The following TCERG1L variants were observed in gnomAD, a reference collection of about 807,000 sequenced individuals.
TCERG1L encodes the protein transcription elongation regulator 1-like protein.
TCERG1L carries 37 observed loss-of-function variants against 56.3 expected under a neutral mutation model. That is an observed-to-expected ratio of 0.66 (90% confidence interval 0.51 to 0.87). The LOEUF is 0.87. Ranked by LOEUF, TCERG1L falls within the 40% of genes least tolerant of loss-of-function variation. The probability of loss-of-function intolerance (pLI) is 0.00; values close to 1 mark genes in which losing one functional copy is unlikely to be tolerated. For synonymous variants in TCERG1L, 324 were observed against 326.3 expected, an observed-to-expected ratio of 0.99 and a Z score of 0.08; for missense variants, 799 against 774.2, an observed-to-expected ratio of 1.03 and a Z score of -0.38.
In TCERG1L at chr10:131,166,826, T is replaced by A. The variant is rs565261722; in HGVS notation, c.916A>T (p.Lys306Ter). The A allele has an allele frequency of 6.2e-7, 1 of 1,613,908 alleles. No homozygotes were observed. Among genetic ancestry groups the A allele is most frequent in the South Asian group, 1.1e-5 (1 of 91,084 alleles). The change falls in exon 5 of 12, where the codon AAG becomes TAG. Residue 306 changes from lysine (K) to a stop codon, truncating the protein, a stop_gained. Coordinates refer to ENST00000368642, the MANE Select transcript of TCERG1L (RefSeq NM_174937.4). LOFTEE classifies it high-confidence loss of function. ...RPPALMLRAQ[K>*]SRDGDKEDKE... is the part of the protein sequence containing the mutation. ...TCTTCTTTGTCTCCATCCCGGCTCT[T>A]CTGGGCCCGCAGCATCAGGGCAGGA...
rs187090449 is a variant in TCERG1L, at chr10:131,148,025, A to G, written c.1035-1365T>C. On this transcript the variant is annotated intron_variant, in intron 6 of 11. Coordinates refer to ENST00000368642, the MANE Select transcript of TCERG1L (RefSeq NM_174937.4). ...AGGACCCCTCCCAGAAATCACCCTG[A>G]GAAGGTGTGCCGGCTCCACTACTCA... is the stretch of plus-strand genomic sequence containing the variant. 2.0e-3 allele frequency among the ~76,000 whole-genome samples: 312 copies of G among 152,340 alleles called. 1 individual carries two copies. Among genetic ancestry groups the G allele is most frequent in the Non-Finnish European group, 3.6e-3 (246 of 68,030 alleles).
In TCERG1L at chr10:131,134,420, T is replaced by G. The variant is rs1467633837; in HGVS notation, c.1218A>C (p.Glu406Asp). 1 of 1,596,612 alleles carries G rather than the reference T, an allele frequency of 6.3e-7. No individual in the cohort carries two copies. Among genetic ancestry groups the G allele is most frequent in the Admixed American group, 1.7e-5 (1 of 57,842 alleles). ...TCACATCTTGGTCTTCCCTGTTGTC[T>G]TCAGAACTGGACCCATCGCTGTTGT... ...ATDNSDGSSS[E>D]DNREDQDVKT... Residue 406 changes from glutamate to aspartate, a missense_variant, in exon 8 of 12, where the codon GAA (glutamate) becomes GAC (aspartate). By Grantham distance (45) the Glu-to-Asp change is conservative. Transcript: ENST00000368642.
intron 3 of TCERG1L, among the ~76,000 whole-genome samples, chr10:131,300,788 T>C (rs1846753625): frequency 6.6e-6 from 1 of 150,824 alleles, no homozygotes; most frequent in Non-Finnish European, 1.5e-5. Flanking sequence ...ATTTATTAAG[T>C]GCTAGGCATC....
intron 4 of TCERG1L, among the ~76,000 whole-genome samples, chr10:131,221,787 G>A (rs1845735288): frequency 1.3e-5 from 2 of 152,224 alleles, no homozygotes; most frequent in Admixed American, 1.3e-4. Context: ...TTTCTGCAGT[G>A]TGAAAATTGT....
chr10:131,122,589 C>A (rs146288238), intron 8 of TCERG1L, among the ~76,000 whole-genome samples: 74 of 152,356 alleles, frequency 4.9e-4, no homozygotes, highest in African/African-American at 1.8e-3. Flanking sequence ...TGGGACCTTT[C>A]CCAGTCTCAC....
intron 4 of TCERG1L, among the ~76,000 whole-genome samples, chr10:131,194,278 C>T (rs968635508): frequency 4.6e-5 from 7 of 152,242 alleles, no homozygotes; most frequent in Non-Finnish European, 8.8e-5. Flanking sequence ...CTCGCTGCCC[C>T]GAGGAACTTA....
chr10:131,115,256 A>G lies in TCERG1L; in HGVS notation c.1395+1543T>C, dbSNP rs148316809. 7.8e-3 allele frequency among the ~76,000 whole-genome samples: 1,195 copies of G among 152,336 alleles called. 13 individuals carry two copies. Among genetic ancestry groups the G allele is most frequent in the South Asian group, 0.021 (103 of 4,826 alleles). The stretch of plus-strand genomic sequence containing the variant: ...TGAAGGCACACGGTGATCACCCGGC[A>G]GCACCTCCCCTGGAGCCCCTCGGGG... On this transcript the variant is annotated intron_variant, in intron 9 of 11. Coordinates refer to ENST00000368642, the MANE Select transcript of TCERG1L (RefSeq NM_174937.4).
At chr10:131,206,997 G>A (rs1474476355) in intron 4 of TCERG1L, among the ~76,000 whole-genome samples, 4 of 152,190 alleles carry the variant, frequency 2.6e-5, no homozygotes, top group Non-Finnish European at 5.9e-5. Flanking sequence ...TGGCGTCCCC[G>A]TGGCTGGTCC....
intron 4 of TCERG1L, among the ~76,000 whole-genome samples, chr10:131,168,681 T>C (rs1846058005): frequency 1.3e-5 from 2 of 152,188 alleles, no homozygotes; most frequent in African/African-American, 4.8e-5. Context: ...CACAGCGCCC[T>C]GCCGGGCAGG....
chr10:131,208,261 T>C (rs1031868051), intron 4 of TCERG1L, among the ~76,000 whole-genome samples: 6 of 152,222 alleles, frequency 3.9e-5, no homozygotes, highest in Non-Finnish European at 8.8e-5. Flanking sequence ...TTACGTCACT[T>C]GGAGGAAGCT....
intron 3 of TCERG1L, among the ~76,000 whole-genome samples, chr10:131,285,504 GAAA>G (rs1846519680): frequency 9.5e-5 from 2 of 20,986 alleles, no homozygotes; most frequent in Non-Finnish European, 3.1e-4. Context: ...AAGAAAGAAA[GAAA>G]GAAAGAAAGA....
At chr10:131,128,177 T>C (rs12414474) in intron 8 of TCERG1L, among the ~76,000 whole-genome samples, 56,210 of 151,930 alleles carry the variant, frequency 0.37, 10,675 homozygotes, top group East Asian at 0.53. Flanking sequence ...TAAACTAGAA[T>C]GAACCCAAGA....
chr10:131,294,178 C>G (rs2944516), intron 3 of TCERG1L, among the ~76,000 whole-genome samples: 29,256 of 152,098 alleles, frequency 0.19, 3,754 homozygotes, highest in Non-Finnish European at 0.28. Flanking sequence ...AGAATGGGAG[C>G]CCCTTTAAAT....
intron 8 of TCERG1L, among the ~76,000 whole-genome samples, chr10:131,123,689 C>T (rs1030058001): frequency 6.6e-6 from 1 of 152,106 alleles, no homozygotes; most frequent in African/African-American, 2.4e-5. Context: ...GCGCTCGCTT[C>T]TCTGCTTGCC....
intron 3 of TCERG1L, among the ~76,000 whole-genome samples, chr10:131,266,286 C>T (rs940104541): frequency 6.6e-6 from 1 of 152,194 alleles, no homozygotes; most frequent in Non-Finnish European, 1.5e-5. Flanking sequence ...TCTTGAAACC[C>T]CTGAAATCAT....
chr10:131,293,972 T>C (rs950509774), intron 3 of TCERG1L, among the ~76,000 whole-genome samples: 1 of 152,222 alleles, frequency 6.6e-6, no homozygotes, highest in Non-Finnish European at 1.5e-5. Context: ...GTGGTGGCTG[T>C]AGGTAAGGCC....
chr10:131,161,541 T>C (rs1845977034), intron 6 of TCERG1L: 1 of 152,228 alleles, frequency 6.6e-6, no homozygotes, highest in Non-Finnish European at 1.5e-5. Flanking sequence ...GAATAACACC[T>C]GTGCCTGAGG....
At chr10:131,198,547 C>T (rs1029993906) in intron 4 of TCERG1L, among the ~76,000 whole-genome samples, 1 of 152,256 alleles carries the variant, frequency 6.6e-6, no homozygotes, top group African/African-American at 2.4e-5. Flanking sequence ...GGCTGGGAAG[C>T]CAGGGCAAGG....
chr10:131,119,115 C>T (rs1203045446), intron 8 of TCERG1L, among the ~76,000 whole-genome samples: 1 of 152,160 alleles, frequency 6.6e-6, no homozygotes, highest in East Asian at 1.9e-4. Flanking sequence ...CCAGACCCGG[C>T]CGTCCAGGCC....
Sources: allele counts gnomAD v4.1 joint callset (sites outside exome capture counted in the v4.1 genomes callset), GRCh38; gene constraint gnomAD v4.1.1; transcripts MANE v1.5; gene names NCBI Gene and HGNC (gene_info 2026-07-23, HGNC 2026-07-21).